The following BANP variants were observed in gnomAD, a reference collection of about 807,000 sequenced individuals.
BANP encodes protein BANP.
Under a neutral mutation model 68.1 loss-of-function variants are expected in BANP, and 11 were observed. The observed-to-expected ratio is 0.16, with a 90% CI of 0.10 to 0.27. The LOEUF is 0.27. Ranked by LOEUF, BANP falls within the 10% of genes least tolerant of loss-of-function variation. The probability of loss-of-function intolerance (pLI) is 1.00; values close to 1 mark genes in which losing one functional copy is unlikely to be tolerated. For missense variants in BANP, 504 were observed against 722.7 expected (o/e 0.70, Z 3.47); for synonymous variants, 329 against 303.2 (o/e 1.09, Z -0.88).
intron 4 of BANP, among the ~76,000 whole-genome samples, chr16:87,991,290 C>T (rs1337936298): frequency 6.6e-6 from 1 of 152,166 alleles, no homozygotes; most frequent in Non-Finnish European, 1.5e-5. Flanking sequence ...ATACAGTTTA[C>T]ATACATACAA....
Position 88,021,776 on chromosome 16 carries a change from G to A in BANP, c.895+3109G>A, listed in dbSNP as rs576799530. 1.1e-4 allele frequency among the ~76,000 whole-genome samples: 17 copies of A among 152,332 alleles called. No individual in the cohort carries two copies. The South Asian group carries it at 3.5e-3, about 32-fold the overall frequency. On this transcript the variant is annotated intron_variant, in intron 7 of 13. Transcript: ENST00000682872. Reference sequence around the variant, plus strand: ...ACTCTCTGCTGTTGCTTCAGAGCCCGCAGTGACGCCTGTAGCCTCAGCAGT... The same window carrying A: ...ACTCTCTGCTGTTGCTTCAGAGCCCACAGTGACGCCTGTAGCCTCAGCAGT...
chr16:88,004,514 A>C lies in BANP; in HGVS notation c.479+103A>C. ...CAGGGCACAGTCCAGCACACGCTTC[A>C]TCTCTGTGGTCACAGGGTTGAGCCT... On this transcript the variant is annotated intron_variant, in intron 5 of 13. Coordinates refer to ENST00000682872, the MANE Select transcript of BANP (RefSeq NM_001386991.1). This position sits in a 1 kb window ranked among gnomAD's most constrained non-coding sequence, Gnocchi z 7.0. The C allele has an allele frequency of 7.6e-6, 5 of 661,054 alleles. No individual in the cohort carries two copies. The highest frequency in any genetic ancestry group is 4.2e-5 in the South Asian group (2 of 48,180). 40.9% of individuals were successfully genotyped at this position (661,054 alleles called of 1,614,324 possible).
At chr16:88,058,956 A>T (rs977518967) in intron 11 of BANP, among the ~76,000 whole-genome samples, 1 of 152,034 alleles carries the variant, frequency 6.6e-6, no homozygotes, top group African/African-American at 2.4e-5. Context: ...TGGGCCCCTG[A>T]GCCGCTGCTC....
chr16:87,985,058 C>T (rs953913882), intron 4 of BANP, among the ~76,000 whole-genome samples: 13 of 152,026 alleles, frequency 8.6e-5, no homozygotes, highest in East Asian at 1.9e-4. Context: ...GACATGTGGA[C>T]GCCGAGGAAT....
At chr16:87,969,907 GTCTT>G (rs1448856625) in intron 1 of BANP, 4 of 109,600 alleles carry the variant, frequency 3.6e-5, no homozygotes, top group Non-Finnish European at 6.8e-5. Context: ...AGGTTGATTG[GTCTT>G]TTTTTTTTTT....
At chr16:88,044,853 G>T (rs2081606466) in intron 11 of BANP, among the ~76,000 whole-genome samples, 1 of 152,096 alleles carries the variant, frequency 6.6e-6, no homozygotes, top group South Asian at 2.1e-4. Context: ...GCGGTGGCAG[G>T]CGCCTGTAGT....
At chr16:88,039,344 G>C (rs74040273) in intron 11 of BANP, among the ~76,000 whole-genome samples, 1 of 143,348 alleles carries the variant, frequency 7.0e-6, no homozygotes, top group African/African-American at 2.4e-5. Flanking sequence ...GTGCAGGTCA[G>C]TTCTCCGCGC....
chr16:87,975,254 G>C, intron 2 of BANP, 69 bp downstream of exon 2: 1 of 1,489,980 alleles, frequency 6.7e-7, no homozygotes, highest in Non-Finnish European at 9.3e-7. Context: ...AGCTGCTCCA[G>C]TTATTTTCTT....
chr16:87,960,185 G>A (rs1482008235), intron 1 of BANP, among the ~76,000 whole-genome samples: 2 of 152,204 alleles, frequency 1.3e-5, no homozygotes, highest in Non-Finnish European at 2.9e-5. Flanking sequence ...CGTGAGGATG[G>A]CCACAGGGAG....
chr16:88,017,434 C>A (rs1413011639), intron 6 of BANP: 2 of 152,322 alleles, frequency 1.3e-5, no homozygotes, highest in African/African-American at 4.8e-5. Flanking sequence ...TTATGATCAT[C>A]TGTGGAGCTT....
Position 88,033,098 on chromosome 16 carries a change from T to G in BANP, c.1064-11T>G. 3.8e-6 allele frequency: 6 copies of G among 1,593,164 alleles called. No individual in the cohort carries two copies. The highest frequency in any genetic ancestry group is 5.1e-6 in the Non-Finnish European group (6 of 1,165,306). On this transcript the variant is annotated splice_polypyrimidine_tract_variant and intron_variant, in intron 8 of 13. Transcript: ENST00000682872. ...TCTCGTTCACCCCGTTCACACCTGT[T>G]GCCCCCACAGAGCCGATGATGAGCA...
chr16:88,044,723 C>T (rs1189601390), intron 11 of BANP, among the ~76,000 whole-genome samples: 1 of 152,228 alleles, frequency 6.6e-6, no homozygotes, highest in African/African-American at 2.4e-5. Context: ...GTGGCTCACG[C>T]CTGTAATCCC....
chr16:87,953,093 C>T (rs1457033526), intron 1 of BANP, among the ~76,000 whole-genome samples: 1 of 152,010 alleles, frequency 6.6e-6, no homozygotes, highest in Admixed American at 6.6e-5. Context: ...AGGCTGCGTC[C>T]ACTTTATAGA....
chr16:88,006,342 G>A, intron 6 of BANP, 77 bp downstream of exon 6: 1 of 1,501,568 alleles, frequency 6.7e-7, no homozygotes, highest in Non-Finnish European at 8.9e-7. Context: ...AAATTTTGTT[G>A]TTTTTTAAAG....
At chr16:88,054,236 C>A (rs1254707256) in intron 11 of BANP, among the ~76,000 whole-genome samples, 1 of 119,908 alleles carries the variant, frequency 8.3e-6, no homozygotes, top group Non-Finnish European at 2.0e-5. Context: ...ACTATCATCA[C>A]CATCACCAAC....
chr16:88,073,163 T>G (rs1163793777), intron 13 of BANP, among the ~76,000 whole-genome samples: 1 of 152,164 alleles, frequency 6.6e-6, no homozygotes, highest in Non-Finnish European at 1.5e-5. Context: ...GCTGAAGAAG[T>G]GGGCTCGGTA....
Position 88,004,196 on chromosome 16 carries a change from C to G in BANP, c.363-99C>G. The G allele has an allele frequency of 1.7e-5, 13 of 769,190 alleles. No homozygotes were observed. In the South Asian group the frequency reaches 1.9e-4, roughly 11 times the overall value. The allele number at this position is 769,190 out of a possible 1,614,324, so 47.6% of individuals were successfully genotyped here. A position where few individuals can be genotyped will look rare whatever the true frequency, so the allele number is the denominator to read the frequency against. On this transcript the variant is annotated intron_variant, in intron 4 of 13. Coordinates refer to ENST00000682872, the MANE Select transcript of BANP (RefSeq NM_001386991.1). This position sits in a 1 kb window ranked among gnomAD's most constrained non-coding sequence, Gnocchi z 7.0. ...CTTAGGCCTCCCCCTCAGTGCGGGT[C>G]CCTGGGAGTGGACTGTGTTGAATGA...
chr16:88,043,936 G>A (rs2081377102), intron 11 of BANP, among the ~76,000 whole-genome samples: 1 of 152,158 alleles, frequency 6.6e-6, no homozygotes, highest in Non-Finnish European at 1.5e-5. Context: ...GCAGGGAGGT[G>A]GATGACTTTA....
intron 9 of BANP, 137 bp from the exon 10 acceptor site, chr16:88,035,186 A>G (rs2079045682): frequency 1.0e-5 from 8 of 800,888 alleles, no homozygotes; most frequent in African/African-American, 1.7e-5. Context: ...ACCACAGACT[A>G]TATTGCACTA....
Sources: gnomAD v4.1 joint callset for allele counts (sites outside exome capture counted in the v4.1 genomes callset) on GRCh38, gnomAD v4.1.1 for gene constraint, Gnocchi (gnomAD v3.1) non-coding constraint, MANE v1.5 for transcripts, NCBI Gene and HGNC (gene_info 2026-07-23, HGNC 2026-07-21) for gene names.